HECW2: variants seen among roughly 807,000 people sequenced by gnomAD.
HECW2 encodes the protein HECT, C2 and WW domain containing E3 ubiquitin protein ligase 2.
HECW2 carries 61 observed loss-of-function variants against 175.2 expected under a neutral mutation model. The ratio of observed to expected loss-of-function variants is 0.35; its 90% CI spans 0.28 to 0.43. The LOEUF (loss-of-function observed/expected upper bound fraction) is 0.43. Ranked by LOEUF, HECW2 falls within the 20% of genes least tolerant of loss-of-function variation. The probability of loss-of-function intolerance (pLI) is 1.00; values close to 1 mark genes in which losing one functional copy is unlikely to be tolerated. For missense variants in HECW2, 1,524 were observed against 2,000.5 expected (o/e 0.76, Z 4.54); for synonymous variants, 671 against 731.0 (o/e 0.92, Z 1.32).
At chr2:196,305,319 C>T (rs1691219886) in intron 13 of HECW2, among the ~76,000 whole-genome samples, 1 of 152,210 alleles carries the variant, frequency 6.6e-6, no homozygotes, top group African/African-American at 2.4e-5. Context: ...GTTGCTTACT[C>T]TCCTCCCAAG....
chr2:196,362,414 TCC>T (rs1391423016), intron 2 of HECW2, among the ~76,000 whole-genome samples: 1 of 145,204 alleles, frequency 6.9e-6, no homozygotes, highest in Non-Finnish European at 1.5e-5. Flanking sequence ...CTGACTGCAA[TCC>T]CAGAAAGGGG....
intron 2 of HECW2, among the ~76,000 whole-genome samples, chr2:196,415,781 G>T (rs1695238900): frequency 6.6e-6 from 1 of 152,190 alleles, no homozygotes; most frequent in Admixed American, 6.5e-5. Flanking sequence ...CTGTAAAAAT[G>T]AAAGGATTGG....
intron 26 of HECW2, chr2:196,218,058 T>C (rs1687539487): frequency 6.6e-6 from 1 of 152,280 alleles, no homozygotes; most frequent in Admixed American, 6.5e-5. Flanking sequence ...CAAAACTGGA[T>C]TGAACATGAG....
At chr2:196,374,501 CAG>C (rs1693995647) in intron 2 of HECW2, among the ~76,000 whole-genome samples, 1 of 152,174 alleles carries the variant, frequency 6.6e-6, no homozygotes, top group South Asian at 2.1e-4. Flanking sequence ...CTTAGTGTCA[CAG>C]ACAAATACAG....
intron 3 of HECW2, among the ~76,000 whole-genome samples, chr2:196,337,746 G>A (rs185254347): frequency 1.7e-4 from 26 of 151,272 alleles, no homozygotes; most frequent in African/African-American, 5.3e-4. Context: ...AGAGGGCAGT[G>A]AGCTAGGAAA....
intron 19 of HECW2, among the ~76,000 whole-genome samples, chr2:196,246,639 C>T (rs940056342): frequency 6.6e-6 from 1 of 152,080 alleles, no homozygotes; most frequent in African/African-American, 2.4e-5. Context: ...ATCCACCCCC[C>T]TCAGCCTCCC....
rs372438245 is a variant in HECW2, at chr2:196,307,910, G to A, written c.2585+25C>T. 75 of 1,487,350 alleles carry A rather than the reference G, an allele frequency of 5.0e-5. No homozygotes were observed. The African/African-American group carries it at 9.3e-4, about 18-fold the overall frequency. The allele number at this position is 1,487,350 out of a possible 1,614,324, so 92.1% of individuals were successfully genotyped here. A position where few individuals can be genotyped will look rare whatever the true frequency, so the allele number is the denominator to read the frequency against. Reference sequence around the variant, plus strand: ...ATTAGCCCAACCACAAAATACAACAGTCACAGCAAAATGTTCATCCTCACC... The same window carrying A: ...ATTAGCCCAACCACAAAATACAACAATCACAGCAAAATGTTCATCCTCACC... On this transcript the variant is annotated intron_variant, in intron 11 of 28. Coordinates refer to ENST00000644978, the MANE Select transcript of HECW2 (RefSeq NM_001348768.2).
chr2:196,445,787 A>T (rs994923775), intron 1 of HECW2, among the ~76,000 whole-genome samples: 3 of 152,218 alleles, frequency 2.0e-5, no homozygotes, highest in African/African-American at 7.2e-5. Flanking sequence ...TTTAGGCCAT[A>T]CTAGAGTACG....
intron 1 of HECW2, among the ~76,000 whole-genome samples, chr2:196,512,700 T>G (rs935765410): frequency 9.9e-5 from 15 of 152,108 alleles, no homozygotes; most frequent in African/African-American, 3.4e-4. Flanking sequence ...ATACTTTTTT[T>G]TTTTTTCGAG....
At chr2:196,423,916 C>A (rs1336385651) in intron 2 of HECW2, among the ~76,000 whole-genome samples, 3 of 151,882 alleles carry the variant, frequency 2.0e-5, no homozygotes, top group African/African-American at 7.3e-5. Context: ...TTTTGAGAAG[C>A]CTACATAGAA....
intron 19 of HECW2, among the ~76,000 whole-genome samples, chr2:196,248,577 G>GAGAA (rs139727641): frequency 2.3e-5 from 1 of 42,890 alleles, no homozygotes; most frequent in Admixed American, 4.0e-4. Flanking sequence ...AGGGACAGAT[G>GAGAA]AGAGAGAGAG....
chr2:196,200,332 T>C lies in HECW2; in HGVS notation c.*945A>G, dbSNP rs1686814994. The C allele has an allele frequency of 6.6e-6, 1 of 152,608 alleles. No homozygotes were observed. Among genetic ancestry groups the C allele is most frequent in the South Asian group, 2.1e-4 (1 of 4,830 alleles). 9.5% of individuals were successfully genotyped at this position (152,608 alleles called of 1,614,324 possible). A position where few individuals can be genotyped will look rare whatever the true frequency, so the allele number is the denominator to read the frequency against. ...TGCAAAATATTTGGGGAATTTTTTT[T>C]ACCTTTATAAAAATAAAAGGCCCTT... On this transcript the variant is annotated 3_prime_UTR_variant, in exon 29 of 29. Transcript: ENST00000644978.
At chr2:196,247,326 TA>T (rs1409011608) in intron 19 of HECW2, among the ~76,000 whole-genome samples, 1 of 152,110 alleles carries the variant, frequency 6.6e-6, no homozygotes, top group African/African-American at 2.4e-5. Context: ...ACAAGTGAGG[TA>T]TAATTGCCAA....
chr2:196,234,751 G>C (rs1411066495), intron 21 of HECW2, among the ~76,000 whole-genome samples: 1 of 152,142 alleles, frequency 6.6e-6, no homozygotes, highest in Non-Finnish European at 1.5e-5. Context: ...CTCAACCCTA[G>C]AGAAGCAACT....
chr2:196,400,820 C>CAAA (rs56242100), intron 2 of HECW2, among the ~76,000 whole-genome samples: 1 of 134,840 alleles, frequency 7.4e-6, no homozygotes, highest in African/African-American at 2.6e-5. Flanking sequence ...CCACAAAATG[C>CAAA]AAAAAAAAAA....
chr2:196,299,803 T>C (rs1337688331), intron 13 of HECW2, among the ~76,000 whole-genome samples: 1 of 151,840 alleles, frequency 6.6e-6, no homozygotes, highest in East Asian at 1.9e-4. Context: ...GTGGCGGGCA[T>C]CTTTGGTCCC....
At chr2:196,412,628 C>G (rs1695145631) in intron 2 of HECW2, among the ~76,000 whole-genome samples, 1 of 152,222 alleles carries the variant, frequency 6.6e-6, no homozygotes, top group Admixed American at 6.5e-5. Context: ...GCCTTTAGAG[C>G]AGTGGCTTTG....
At chr2:196,211,456 T>C (rs1462225269) in intron 28 of HECW2, among the ~76,000 whole-genome samples, 1 of 152,156 alleles carries the variant, frequency 6.6e-6, no homozygotes, top group Non-Finnish European at 1.5e-5. Flanking sequence ...TAGGTCTCCA[T>C]GGAGACACCC....
intron 1 of HECW2, among the ~76,000 whole-genome samples, chr2:196,496,261 C>T (rs912233958): frequency 1.3e-5 from 2 of 151,892 alleles, no homozygotes; most frequent in African/African-American, 4.8e-5. Flanking sequence ...AGTCCTTGGG[C>T]CATGGCGGCC....
Sources: gnomAD v4.1 joint callset for allele counts (sites outside exome capture counted in the v4.1 genomes callset) on GRCh38, gnomAD v4.1.1 for gene constraint, MANE v1.5 for transcripts, NCBI Gene and HGNC (gene_info 2026-07-23, HGNC 2026-07-21) for gene names.